CCDC171: variants seen among roughly 807,000 people sequenced by gnomAD.
CCDC171 encodes the protein coiled-coil domain containing 171.
Under a neutral mutation model 168.2 loss-of-function variants are expected in CCDC171, and 177 were observed. The observed-to-expected ratio is 1.05, with a 90% CI of 0.93 to 1.19. The LOEUF (loss-of-function observed/expected upper bound fraction) is 1.19. Ranked by LOEUF, CCDC171 falls within the 50% of genes most tolerant of loss-of-function variation. CCDC171 has a pLI of 0.00. For synonymous variants in CCDC171, 687 were observed against 540.8 expected (o/e 1.27, Z -3.75); for missense variants, 1,991 against 1,539.0 (o/e 1.29, Z -4.91).
intron 3 of CCDC171, among the ~76,000 whole-genome samples, chr9:15,989,054 CCTGT>C (rs1832095550): frequency 6.6e-6 from 1 of 152,144 alleles, no homozygotes; most frequent in Non-Finnish European, 1.5e-5. Flanking sequence ...CTTAAATGTC[CCTGT>C]CTGACAGTTT....
chr9:15,706,272 TCTTCCTTC>T (rs1036237351), intron 11 of CCDC171, among the ~76,000 whole-genome samples: 2 of 149,378 alleles, frequency 1.3e-5, no homozygotes, highest in Non-Finnish European at 3.0e-5. Context: ...TTCCTTCCTT[TCTTCCTTC>T]CTTTCTTTTT....
chr9:15,896,930 C>G (rs1820989745), intron 24 of CCDC171, among the ~76,000 whole-genome samples: 1 of 151,940 alleles, frequency 6.6e-6, no homozygotes, highest in African/African-American at 2.4e-5. Flanking sequence ...CACTAAAATC[C>G]TAGTTTTTAT....
chr9:15,951,983 A>G (rs932794231), intron 25 of CCDC171, among the ~76,000 whole-genome samples: 2 of 152,128 alleles, frequency 1.3e-5, no homozygotes, highest in Non-Finnish European at 1.5e-5. Flanking sequence ...TCTTCTAAAA[A>G]TTTTATAATT....
At chr9:15,618,287 C>T (rs1379609961) in intron 6 of CCDC171, among the ~76,000 whole-genome samples, 1 of 152,168 alleles carries the variant, frequency 6.6e-6, no homozygotes, top group African/African-American at 2.4e-5. Context: ...TGACTGTGCC[C>T]AGTCCAAACC....
chr9:15,785,430 A>C (rs1307971383), intron 21 of CCDC171, among the ~76,000 whole-genome samples: 1 of 152,120 alleles, frequency 6.6e-6, no homozygotes, highest in Non-Finnish European at 1.5e-5. Context: ...AACTTATACA[A>C]ATAATATCTA....
In CCDC171 at chr9:15,662,813, TA is replaced by T. The variant is rs1164462360; in HGVS notation, c.916-3340del. ...CAACATGGTGAAACCCCATCTCTAC[TA>T]AAAAAAAAATACCAAAATTAGCTGG... is the stretch of plus-strand genomic sequence containing the variant. On this transcript the variant is annotated intron_variant, in intron 8 of 25. Transcript: ENST00000380701. Among the ~76,000 whole-genome samples, 21 of 148,378 alleles carry T rather than the reference TA, an allele frequency of 1.4e-4. No individual in the cohort carries two copies. In the South Asian group the frequency reaches 1.7e-3, roughly 12 times the overall value.
intron 4 of CCDC171, among the ~76,000 whole-genome samples, chr9:15,580,869 A>G (rs1421902644): frequency 6.6e-6 from 1 of 152,186 alleles, no homozygotes; most frequent in Non-Finnish European, 1.5e-5. Flanking sequence ...GAAAACCGGC[A>G]CAAGACAAGG....
intron 9 of CCDC171, among the ~76,000 whole-genome samples, chr9:15,673,338 T>C (rs1354583833): frequency 3.3e-5 from 5 of 152,214 alleles, no homozygotes; most frequent in Non-Finnish European, 7.3e-5. Context: ...TTGAATACGC[T>C]TTATTTCTTT....
At chr9:16,063,135 T>C (rs1042425365), downstream of CCDC171, among the ~76,000 whole-genome samples, 1 of 151,940 alleles carries the variant, frequency 6.6e-6, no homozygotes, top group Admixed American at 6.6e-5. Context: ...AAGAAGGTGG[T>C]TTGCGGAAAG....
At chr9:15,638,046 C>T (rs939173454) in intron 7 of CCDC171, among the ~76,000 whole-genome samples, 2 of 152,176 alleles carry the variant, frequency 1.3e-5, no homozygotes, top group African/African-American at 2.4e-5. Flanking sequence ...AATCACCACA[C>T]TGACTTCCAC....
At chr9:15,636,986 T>A (rs1587637622) in intron 7 of CCDC171, among the ~76,000 whole-genome samples, 1 of 152,078 alleles carries the variant, frequency 6.6e-6, no homozygotes, top group African/African-American at 2.4e-5. Context: ...CTGGGCGTGG[T>A]GGCTCATGCC....
intron 21 of CCDC171, among the ~76,000 whole-genome samples, chr9:15,795,750 T>C (rs962627147): frequency 1.3e-5 from 2 of 152,222 alleles, no homozygotes; most frequent in East Asian, 3.8e-4. Flanking sequence ...GCCTAGCAGC[T>C]ACATGAGAAT....
chr9:16,029,085 G>C (rs1034246627), intron 6 of CCDC171, among the ~76,000 whole-genome samples: 1 of 152,008 alleles, frequency 6.6e-6, no homozygotes, highest in Non-Finnish European at 1.5e-5. Context: ...GACGGCAGGC[G>C]CTGGGTCGAG....
At chr9:15,625,525 T>C (rs1196404549) in intron 7 of CCDC171, among the ~76,000 whole-genome samples, 3 of 152,344 alleles carry the variant, frequency 2.0e-5, no homozygotes, top group African/African-American at 7.2e-5. Context: ...AGTTTCAGCT[T>C]TCTACATATG....
intron 16 of CCDC171, among the ~76,000 whole-genome samples, chr9:15,732,856 T>G (rs2054237808): frequency 1.3e-5 from 2 of 152,168 alleles, no homozygotes; most frequent in Non-Finnish European, 2.9e-5. Flanking sequence ...TATGGTTATA[T>G]GGTAAGTGTA....
intron 21 of CCDC171, among the ~76,000 whole-genome samples, chr9:15,820,617 A>T (rs2059732860): frequency 8.5e-6 from 1 of 117,168 alleles, no homozygotes; most frequent in African/African-American, 3.2e-5. Flanking sequence ...CGACACATAC[A>T]CCCTCCTAAG....
At chr9:15,962,423 A>G (rs554728604) in intron 25 of CCDC171, among the ~76,000 whole-genome samples, 1 of 152,246 alleles carries the variant, frequency 6.6e-6, no homozygotes, top group Non-Finnish European at 1.5e-5. Flanking sequence ...TTGTTGGATC[A>G]AATGGCATTA....
chr9:15,970,287 C>G (rs1831218263), intron 25 of CCDC171, among the ~76,000 whole-genome samples: 1 of 152,064 alleles, frequency 6.6e-6, no homozygotes. Context: ...GATAAGCTTC[C>G]CTCTTGTTTT....
chr9:15,578,267 C>T (rs1298431469), intron 3 of CCDC171, among the ~76,000 whole-genome samples: 1 of 149,542 alleles, frequency 6.7e-6, no homozygotes, highest in African/African-American at 2.5e-5. Flanking sequence ...GACGGTCTTG[C>T]TCTGTCCTTC....
Sources: gnomAD v4.1 joint callset for allele counts (sites outside exome capture counted in the v4.1 genomes callset) on GRCh38, gnomAD v4.1.1 for gene constraint, MANE v1.5 for transcripts, NCBI Gene and HGNC (gene_info 2026-07-23, HGNC 2026-07-21) for gene names.